Variants in PKP4 observed in about 807,000 individuals in gnomAD.
PKP4 encodes plakophilin 4.
PKP4 carries 90 observed loss-of-function variants against 145.1 expected under a neutral mutation model. The observed-to-expected ratio is 0.62, with a 90% CI of 0.52 to 0.74. PKP4 has a LOEUF of 0.74. PKP4 is among the 30% of genes least tolerant of loss of function. PKP4 has a pLI of 0.00. For missense variants in PKP4, 1,340 were observed against 1,482.7 expected, an observed-to-expected ratio of 0.90 and a Z score of 1.58; for synonymous variants, 563 against 577.2, an observed-to-expected ratio of 0.98 and a Z score of 0.35.
At chr2:158,536,470 C>T (rs1483717071) in intron 2 of PKP4, among the ~76,000 whole-genome samples, 1 of 152,128 alleles carries the variant, frequency 6.6e-6, no homozygotes, top group Non-Finnish European at 1.5e-5. Context: ...AGTAAAATAC[C>T]TCACACATAC....
intron 9 of PKP4, among the ~76,000 whole-genome samples, chr2:158,639,789 T>C (rs140257613): frequency 5.3e-5 from 8 of 152,300 alleles, no homozygotes; most frequent in African/African-American, 1.7e-4. Context: ...TATAGCATAG[T>C]GTTGGAGGGC....
At chr2:158,582,030 A>G (rs1270799993) in intron 3 of PKP4, among the ~76,000 whole-genome samples, 1 of 152,274 alleles carries the variant, frequency 6.6e-6, no homozygotes, top group African/African-American at 2.4e-5. Flanking sequence ...AAGAGATGAT[A>G]TATCAGACCA....
At chr2:158,579,879 A>G (rs1404857430) in intron 3 of PKP4, among the ~76,000 whole-genome samples, 1 of 151,986 alleles carries the variant, frequency 6.6e-6, no homozygotes, top group African/African-American at 2.4e-5. Context: ...ATTGCTATAT[A>G]TATAGCAATA....
intron 1 of PKP4, among the ~76,000 whole-genome samples, chr2:158,505,556 T>C (rs1451584964): frequency 6.6e-6 from 1 of 152,120 alleles, no homozygotes; most frequent in Non-Finnish European, 1.5e-5. Context: ...TCTGTACTCA[T>C]GTAGCTTTCT....
intron 1 of PKP4, among the ~76,000 whole-genome samples, chr2:158,504,021 A>G (rs6757576): frequency 0.68 from 99,162 of 146,360 alleles, 33,997 homozygotes; most frequent in South Asian, 0.84. Flanking sequence ...GAAAACATAG[A>G]AAACGTTTGC....
rs193197878 is a variant in PKP4, at chr2:158,651,954, A to G, written c.1910-6177A>G. On this transcript the variant is annotated intron_variant, in intron 11 of 21. Transcript: ENST00000389759. ...CCTGGTGGTGTAACTGTTTGTGGTA[A>G]GGCCCCCCTGAGAACAGATGGCTCC... 1.7e-4 allele frequency among the ~76,000 whole-genome samples: 26 copies of G among 152,204 alleles called. 2 individuals carry two copies. The East Asian group carries it at 4.8e-3, about 28-fold the overall frequency.
intron 3 of PKP4, among the ~76,000 whole-genome samples, chr2:158,587,408 G>T (rs1559360507): frequency 6.6e-6 from 1 of 151,886 alleles, no homozygotes; most frequent in Non-Finnish European, 1.5e-5. Context: ...ATCAAAATAA[G>T]AATTATAATA....
chr2:158,517,892 G>C (rs2105552030), intron 1 of PKP4, among the ~76,000 whole-genome samples: 1 of 151,892 alleles, frequency 6.6e-6, no homozygotes, highest in East Asian at 1.9e-4. Context: ...TTCCAGCTGG[G>C]GTGACAGAGC....
chr2:158,617,313 A>G (rs1023649408), intron 4 of PKP4, among the ~76,000 whole-genome samples: 2 of 152,028 alleles, frequency 1.3e-5, no homozygotes, highest in Non-Finnish European at 1.5e-5. Context: ...CCCAGAAAAC[A>G]TGTTTGTGAA....
chr2:158,470,335 A>C (rs558852624), intron 1 of PKP4, among the ~76,000 whole-genome samples: 4 of 152,156 alleles, frequency 2.6e-5, no homozygotes, highest in Non-Finnish European at 5.9e-5. Context: ...CGTTACAGTC[A>C]AACCTTAATT....
chr2:158,513,782 C>T lies in PKP4; in HGVS notation c.-5-19398C>T, dbSNP rs575223154. On this transcript the variant is annotated intron_variant, in intron 1 of 21. Transcript: ENST00000389759. ...TGGAGACAATCCATGTCTTTATTTGCACTTACTATTGTTCCTTCGTCTTCT... is the reference window on the plus strand; with the variant it reads ...TGGAGACAATCCATGTCTTTATTTGTACTTACTATTGTTCCTTCGTCTTCT... Among the ~76,000 whole-genome samples, 19 of 152,274 alleles carry T rather than the reference C, an allele frequency of 1.2e-4. No individual in the cohort carries two copies. In the South Asian group the frequency reaches 3.5e-3, roughly 28 times the overall value.
intron 2 of PKP4, among the ~76,000 whole-genome samples, chr2:158,564,168 C>T (rs1302340442): frequency 6.6e-6 from 1 of 151,882 alleles, no homozygotes; most frequent in Admixed American, 6.6e-5. Flanking sequence ...ATAGATTGGT[C>T]ACCCTTCTGA....
intron 1 of PKP4, among the ~76,000 whole-genome samples, chr2:158,516,752 C>T (rs1027152069): frequency 4.0e-5 from 6 of 151,686 alleles, no homozygotes; most frequent in Non-Finnish European, 7.4e-5. Flanking sequence ...CTCTGCCTTC[C>T]GGGTTCAAGC....
intron 2 of PKP4, among the ~76,000 whole-genome samples, chr2:158,534,036 T>C (rs2105632299): frequency 6.6e-6 from 1 of 152,264 alleles, no homozygotes; most frequent in East Asian, 1.9e-4. Flanking sequence ...CTGCTTCTTC[T>C]CTCCAAAACA....
At chr2:158,603,037 A>C in intron 3 of PKP4, 33 bp from the exon 4 acceptor site, 1 of 1,352,598 alleles carries the variant, frequency 7.4e-7, no homozygotes. Flanking sequence ...CAAAATAAAT[A>C]AATGTTCCAT....
At chr2:158,560,352 A>G (rs2046412901) in intron 2 of PKP4, among the ~76,000 whole-genome samples, 1 of 152,208 alleles carries the variant, frequency 6.6e-6, no homozygotes, top group Non-Finnish European at 1.5e-5. Context: ...GTGGTGCTTC[A>G]GCCACTACTT....
intron 3 of PKP4, among the ~76,000 whole-genome samples, chr2:158,598,109 C>T (rs1192103242): frequency 6.6e-6 from 1 of 152,154 alleles, no homozygotes; most frequent in African/African-American, 2.4e-5. Context: ...TAGGCGTGAG[C>T]CGCTGTGTCA....
At chr2:158,552,951 C>T (rs952512608) in intron 2 of PKP4, among the ~76,000 whole-genome samples, 4 of 152,172 alleles carry the variant, frequency 2.6e-5, no homozygotes, top group East Asian at 1.9e-4. Flanking sequence ...GTAAAAGATG[C>T]GATAGCCACA....
Position 158,528,244 on chromosome 2 carries a change from C to T in PKP4, c.-5-4936C>T, listed in dbSNP as rs1221552529. Among the ~76,000 whole-genome samples the T allele has an allele frequency of 1.3e-5, 2 of 150,406 alleles. 1 individual carries two copies. The highest frequency in any genetic ancestry group is 1.3e-4 in the Admixed American group (2 of 14,958). ...AAAGACTTGGAACCAATCCAAATGT[C>T]CAACAATGATAGACTGGATTAAGAA... On this transcript the variant is annotated intron_variant, in intron 1 of 21. Transcript: ENST00000389759.
Sources: gnomAD v4.1 joint callset for allele counts (sites outside exome capture counted in the v4.1 genomes callset) on GRCh38, gnomAD v4.1.1 for gene constraint, MANE v1.5 for transcripts, NCBI Gene and HGNC (gene_info 2026-07-23, HGNC 2026-07-21) for gene names.